HEXB: variants seen among roughly 807,000 people sequenced by gnomAD.
The protein encoded by HEXB is beta-hexosaminidase subunit beta.
Under a neutral mutation model 71.2 loss-of-function variants are expected in HEXB, and 51 were observed. That is an observed-to-expected ratio of 0.72 (90% CI 0.57 to 0.90). The LOEUF (loss-of-function observed/expected upper bound fraction) is 0.90, where lower values mean the gene tolerates loss of function less well. Among genes scored for constraint, HEXB ranks in the 40% least tolerant of loss-of-function variants. The pLI, the probability that HEXB is intolerant of heterozygous loss-of-function variation, is 0.00. For synonymous variants in HEXB, 266 were observed against 249.3 expected (o/e 1.07, Z -0.63); for missense variants, 617 against 677.0 (o/e 0.91, Z 0.98).
Position 74,721,259 on chromosome 5 carries a change from TTTTTGAATAAAATATTTTTATTGA to T in HEXB, c.*87_*110del. The stretch of plus-strand genomic sequence containing the variant: ...CATGTAAAATAAGATATTAGACTGT[TTTTTGAATAAAATATTTTTATTGA>T]TTGAACCTTTGACCCTCTATCTTAT... On this transcript the variant is annotated 3_prime_UTR_variant, in exon 14 of 14. Transcript: ENST00000261416. 9.1e-7 allele frequency: 1 copy of T among 1,096,014 alleles called. No homozygotes were observed. The highest frequency in any genetic ancestry group is 1.4e-6 in the Non-Finnish European group (1 of 715,088). 67.9% of individuals were successfully genotyped at this position (1,096,014 alleles called of 1,614,324 possible).
At chr5:74,684,277 A>T (rs1748797522), upstream of HEXB, among the ~76,000 whole-genome samples, 1 of 152,168 alleles carries the variant, frequency 6.6e-6, no homozygotes, top group Admixed American at 6.5e-5. Context: ...CGTGTTCGTC[A>T]TGTGACTTCA....
Position 74,685,408 on chromosome 5 carries a change from G to C in HEXB, c.148G>C (p.Ala50Pro). The change falls in exon 1 of 14, where the codon GCC (alanine) becomes CCC (proline). Residue 50 changes from alanine (A) to proline (P), a missense_variant. Coordinates refer to ENST00000261416, the MANE Select transcript of HEXB (RefSeq NM_000521.4). The stretch of plus-strand genomic sequence containing the variant: ...GGCGGCTCGGGCCCCGAGCGTCTCG[G>C]CCAAGCCGGGGCCGGCGCTGTGGCC... ...AEAARAPSVS[A>P]KPGPALWPLP... is the part of the protein sequence containing the mutation. 2 of 1,597,542 alleles carry C rather than the reference G, an allele frequency of 1.3e-6. No individual in the cohort carries two copies. The highest frequency in any genetic ancestry group is 2.2e-5 in the South Asian group (2 of 89,576).
intron 1 of HEXB, among the ~76,000 whole-genome samples, chr5:74,688,701 A>C (rs1227332473): frequency 1.3e-5 from 2 of 152,162 alleles, no homozygotes; most frequent in Non-Finnish European, 2.9e-5. Flanking sequence ...TTGGGGCTTT[A>C]TATGTAAGCT....
intron 8 of HEXB, among the ~76,000 whole-genome samples, chr5:74,716,205 T>C (rs1161022983): frequency 6.6e-6 from 1 of 151,738 alleles, no homozygotes; most frequent in Non-Finnish European, 1.5e-5. Flanking sequence ...AAGTAAAGCT[T>C]GAGGAAAAAC....
chr5:74,703,968 C>A (rs1014085721), intron 5 of HEXB, among the ~76,000 whole-genome samples: 2 of 152,152 alleles, frequency 1.3e-5, no homozygotes, highest in Non-Finnish European at 2.9e-5. Flanking sequence ...TGTGAGCCAC[C>A]GTGTCTGGCC....
chr5:74,713,799 G>A (rs968353076), intron 7 of HEXB, among the ~76,000 whole-genome samples, 164 bp downstream of exon 7: 4 of 152,122 alleles, frequency 2.6e-5, no homozygotes, highest in African/African-American at 9.7e-5. Flanking sequence ...GAGTAGCTGA[G>A]ACTACAGGCA....
intron 1 of HEXB, among the ~76,000 whole-genome samples, chr5:74,656,566 A>G (rs1322120998): frequency 1.3e-5 from 2 of 151,918 alleles, no homozygotes; most frequent in Non-Finnish European, 2.9e-5. Flanking sequence ...CAGATGAGGA[A>G]CCACATTGCA....
At chr5:74,654,000 T>A (rs1748170772) in intron 1 of HEXB, among the ~76,000 whole-genome samples, 1 of 152,052 alleles carries the variant, frequency 6.6e-6, no homozygotes, top group South Asian at 2.1e-4. Flanking sequence ...GTGTCACTTA[T>A]CCTATGGACG....
At chr5:74,698,622 C>T (rs2112144795) in intron 5 of HEXB, among the ~76,000 whole-genome samples, 1 of 144,594 alleles carries the variant, frequency 6.9e-6, no homozygotes, top group South Asian at 2.3e-4. Context: ...AATCTCCTGA[C>T]CTTGTGATCC....
intron 1 of HEXB, among the ~76,000 whole-genome samples, chr5:74,655,376 A>G (rs4704152): frequency 0.33 from 48,541 of 148,324 alleles, 9,479 homozygotes; most frequent in African/African-American, 0.53. Flanking sequence ...GAGCAGTGGC[A>G]CGATCTCGCC....
chr5:74,684,167 A>T (rs1748795260), upstream of HEXB, among the ~76,000 whole-genome samples: 1 of 151,818 alleles, frequency 6.6e-6, no homozygotes, highest in Non-Finnish European at 1.5e-5. Context: ...TTCCACCCTC[A>T]TTTTCAGAAT....
intron 6 of HEXB, among the ~76,000 whole-genome samples, chr5:74,710,094 C>G (rs1053664785): frequency 3.9e-5 from 6 of 152,142 alleles, no homozygotes; most frequent in African/African-American, 1.2e-4. Context: ...CCACCATGAT[C>G]AAGTGGGCTT....
intron 1 of HEXB, among the ~76,000 whole-genome samples, chr5:74,675,849 C>A (rs998682549): frequency 6.6e-6 from 1 of 152,114 alleles, no homozygotes; most frequent in East Asian, 1.9e-4. Flanking sequence ...TCTCTCCAGG[C>A]CAACACCTAA....
At chr5:74,698,868 T>G (rs79408075) in intron 5 of HEXB, among the ~76,000 whole-genome samples, 3,703 of 152,246 alleles carry the variant, frequency 0.024, 62 homozygotes, top group Middle Eastern at 0.061. Context: ...TATGTGCTAC[T>G]TGTCTCATTT....
chr5:74,658,583 CG>C (rs1452825707), intron 1 of HEXB, among the ~76,000 whole-genome samples: 1 of 151,948 alleles, frequency 6.6e-6, no homozygotes, highest in African/African-American at 2.4e-5. Context: ...GCATATGTCT[CG>C]GGGCCGCAAT....
chr5:74,681,124 C>CG (rs1748730165), upstream of HEXB, among the ~76,000 whole-genome samples: 1 of 152,154 alleles, frequency 6.6e-6, no homozygotes, highest in African/African-American at 2.4e-5. Context: ...TAAAACCTAC[C>CG]TCTTAAGTTG....
chr5:74,652,977 T>C lies in HEXB; in HGVS notation c.-377+12419T>C, dbSNP rs138785048. ...AATGGAATTTATAGATAATAGACTC[T>C]ATTGAATATAACTTCAAAAAACTTT... On this transcript the variant is annotated intron_variant, in intron 1 of 13. Transcript: ENST00000511181. This position sits in a 1 kb window ranked among gnomAD's most constrained non-coding sequence, Gnocchi z 5.4. Among the ~76,000 whole-genome samples the C allele has an allele frequency of 2.0e-5, 3 of 152,352 alleles. No individual in the cohort carries two copies. Among genetic ancestry groups the C allele is most frequent in the African/African-American group, 7.2e-5 (3 of 41,580 alleles).
intron 11 of HEXB, chr5:74,719,954 A>AACC: frequency 6.3e-6 from 1 of 158,038 alleles, no homozygotes; most frequent in Admixed American, 5.9e-5. Context: ...AAAAAAAAAA[A>AACC]ACACACACAT....
chr5:74,643,217 A>G (rs1347143196), intron 1 of HEXB, among the ~76,000 whole-genome samples: 1 of 152,168 alleles, frequency 6.6e-6, no homozygotes, highest in Non-Finnish European at 1.5e-5. Flanking sequence ...CTCAGCTGAA[A>G]ATGATTTGCA....
Sources: allele counts gnomAD v4.1 joint callset (sites outside exome capture counted in the v4.1 genomes callset), GRCh38; gene constraint gnomAD v4.1.1; non-coding constraint Gnocchi (gnomAD v3.1); transcripts MANE v1.5; gene names NCBI Gene and HGNC (gene_info 2026-07-23, HGNC 2026-07-21).